The following CWC27 variants were observed in gnomAD, a reference collection of about 807,000 sequenced individuals.
CWC27 encodes the protein spliceosome-associated protein CWC27 homolog.
CWC27 carries 47 observed loss-of-function variants against 63.6 expected under a neutral mutation model. The ratio of observed to expected loss-of-function variants is 0.74; its 90% CI spans 0.58 to 0.94. The LOEUF (loss-of-function observed/expected upper bound fraction) is 0.94, where lower values mean the gene tolerates loss of function less well. Among genes scored for constraint, CWC27 ranks in the 40% least tolerant of loss-of-function variants. The pLI is 0.00. For missense variants in CWC27, 495 were observed against 554.3 expected (o/e 0.89, Z 1.07); for synonymous variants, 175 against 179.8 (o/e 0.97, Z 0.22).
intron 11 of CWC27, among the ~76,000 whole-genome samples, chr5:64,942,816 G>C (rs1748512350): frequency 6.6e-6 from 1 of 152,208 alleles, no homozygotes; most frequent in Non-Finnish European, 1.5e-5. Context: ...CCGGACTTTA[G>C]ACACTTCAGC....
intron 13 of CWC27, among the ~76,000 whole-genome samples, chr5:64,980,609 A>T (rs370657248): frequency 1.4e-4 from 22 of 152,312 alleles, no homozygotes; most frequent in East Asian, 7.7e-4. Flanking sequence ...TACAGCACAT[A>T]TACAAGATAA....
chr5:64,947,310 A>G (rs1429342407), intron 11 of CWC27, among the ~76,000 whole-genome samples: 3 of 152,214 alleles, frequency 2.0e-5, no homozygotes, highest in East Asian at 1.9e-4. Context: ...TCAAGCACCA[A>G]TGAGCAGGCT....
At chr5:64,894,935 T>A (rs1030299227) in intron 11 of CWC27, among the ~76,000 whole-genome samples, 4 of 152,152 alleles carry the variant, frequency 2.6e-5, no homozygotes, top group African/African-American at 7.2e-5. Context: ...AACACATCCT[T>A]AGTGGCAGGA....
At chr5:65,004,905 T>TATAC (rs1554030581) in intron 13 of CWC27, among the ~76,000 whole-genome samples, 24 of 63,532 alleles carry the variant, frequency 3.8e-4, no homozygotes, top group East Asian at 1.3e-3. Flanking sequence ...TATATATATA[T>TATAC]ACATACACAC....
At chr5:64,893,427 A>G (rs1747288656) in intron 11 of CWC27, among the ~76,000 whole-genome samples, 1 of 152,234 alleles carries the variant, frequency 6.6e-6, no homozygotes. Context: ...CTTACTTTGT[A>G]CAGTTTAATC....
At chr5:64,793,424 A>G (rs1028614427) in intron 7 of CWC27, among the ~76,000 whole-genome samples, 3 of 152,176 alleles carry the variant, frequency 2.0e-5, no homozygotes, top group Non-Finnish European at 4.4e-5. Context: ...AGAAAGGGAA[A>G]TTGTTTTTAA....
chr5:64,871,041 G>T (rs1028628328), intron 10 of CWC27, among the ~76,000 whole-genome samples: 2 of 152,160 alleles, frequency 1.3e-5, no homozygotes, highest in African/African-American at 4.8e-5. Flanking sequence ...GCCAGTGCTT[G>T]AGAGAACTGA....
At chr5:64,882,867 A>AT (rs1393527292) in intron 10 of CWC27, among the ~76,000 whole-genome samples, 3 of 152,332 alleles carry the variant, frequency 2.0e-5, no homozygotes, top group African/African-American at 7.2e-5. Flanking sequence ...AAGTGCTGGG[A>AT]TTACAGGCGT....
rs527684527 is a variant in CWC27, at chr5:64,910,095, C to A, written c.1042+24549C>A. 1.1e-4 allele frequency among the ~76,000 whole-genome samples: 17 copies of A among 152,202 alleles called. 1 individual carries two copies. The East Asian group carries it at 3.3e-3, about 29-fold the overall frequency. On this transcript the variant is annotated intron_variant, in intron 11 of 13. Transcript: ENST00000381070. ...TACCTTTGATCTTTGATGTTGGTGA[C>A]CTACAGATGGGATTTTGGTGTGGAT...
intron 10 of CWC27, among the ~76,000 whole-genome samples, chr5:64,863,945 CAA>C (rs1746476840): frequency 6.6e-6 from 1 of 152,168 alleles, no homozygotes; most frequent in Non-Finnish European, 1.5e-5. Context: ...GTAGGAGTTG[CAA>C]AATAATTATT....
chr5:64,899,186 G>A (rs914700883), intron 11 of CWC27, among the ~76,000 whole-genome samples: 2 of 152,164 alleles, frequency 1.3e-5, no homozygotes, highest in Middle Eastern at 3.2e-3. Flanking sequence ...ATCCTAGGAA[G>A]AACCAAATAG....
chr5:64,859,432 T>C (rs1746344032), intron 10 of CWC27, among the ~76,000 whole-genome samples: 1 of 152,060 alleles, frequency 6.6e-6, no homozygotes, highest in African/African-American at 2.4e-5. Flanking sequence ...ATAAATTATA[T>C]CTCAAAGGAA....
intron 10 of CWC27, among the ~76,000 whole-genome samples, chr5:64,860,765 G>T (rs928874268): frequency 6.6e-6 from 1 of 152,070 alleles, no homozygotes; most frequent in African/African-American, 2.4e-5. Flanking sequence ...CTCTTTATCT[G>T]CAGAGTTTGA....
rs56032947 is a variant in CWC27, at chr5:64,957,733, C to T, written c.1043-13970C>T. 4.1e-3 allele frequency among the ~76,000 whole-genome samples: 629 copies of T among 152,196 alleles called. 2 individuals carry two copies. The highest frequency in any genetic ancestry group is 0.014 in the African/African-American group (585 of 41,548). On this transcript the variant is annotated intron_variant, in intron 11 of 13. Coordinates refer to ENST00000381070, the MANE Select transcript of CWC27 (RefSeq NM_005869.4). ...AGTAGACCCACTGTTTAATAAAAAA[C>T]GTTATTAGGGAGACTCTGGGCACAC...
intron 13 of CWC27, among the ~76,000 whole-genome samples, chr5:65,014,934 T>C (rs1483322502): frequency 6.6e-6 from 1 of 152,242 alleles, no homozygotes; most frequent in Non-Finnish European, 1.5e-5. Context: ...ATATTAAAGC[T>C]GAAGTAGTTT....
Position 64,768,935 on chromosome 5 carries a change from T to G in CWC27, c.-212T>G. The G allele has an allele frequency of 1.7e-6, 1 of 582,240 alleles. No homozygotes were observed. The allele number at this position is 582,240 out of a possible 1,614,324, so 36.1% of individuals were successfully genotyped here. ...GAATAACCCTTCTCAGGGTTAGCGG[T>G]GCTCGGGTCCGGTAACAACATGGCG... On this transcript the variant is annotated 5_prime_UTR_variant, in exon 1 of 14. Coordinates refer to ENST00000381070, the MANE Select transcript of CWC27 (RefSeq NM_005869.4).
At chr5:64,874,016 T>C (rs1746736530) in intron 10 of CWC27, among the ~76,000 whole-genome samples, 1 of 152,110 alleles carries the variant, frequency 6.6e-6, no homozygotes, top group African/African-American at 2.4e-5. Context: ...TGTCAATTTA[T>C]GGTGTCTCAA....
At chr5:64,897,984 CAT>C (rs1325735833) in intron 11 of CWC27, among the ~76,000 whole-genome samples, 1 of 152,070 alleles carries the variant, frequency 6.6e-6, no homozygotes, top group Non-Finnish European at 1.5e-5. Flanking sequence ...ATTAAACAAA[CAT>C]GTAAAAATTT....
intron 10 of CWC27, among the ~76,000 whole-genome samples, chr5:64,818,848 A>G (rs1745117348): frequency 1.3e-5 from 2 of 152,168 alleles, no homozygotes; most frequent in South Asian, 4.1e-4. Flanking sequence ...AGGATTTCTT[A>G]GTATTTTAGT....
Sources: gnomAD v4.1 joint callset for allele counts (sites outside exome capture counted in the v4.1 genomes callset) on GRCh38, gnomAD v4.1.1 for gene constraint, MANE v1.5 for transcripts, NCBI Gene and HGNC (gene_info 2026-07-23, HGNC 2026-07-21) for gene names.